Variants in DENND1B observed in about 807,000 individuals in gnomAD.
DENND1B encodes the protein DENN domain containing 1B.
Under a neutral mutation model 90.1 loss-of-function variants are expected in DENND1B, and 59 were observed. The ratio of observed to expected loss-of-function variants is 0.65; its 90% CI spans 0.53 to 0.81. The LOEUF (loss-of-function observed/expected upper bound fraction) is 0.81. Ranked by LOEUF, DENND1B falls within the 40% of genes least tolerant of loss-of-function variation. The pLI, the probability that DENND1B is intolerant of heterozygous loss-of-function variation, is 0.00. For missense variants in DENND1B, 862 were observed against 912.6 expected, an observed-to-expected ratio of 0.94 and a Z score of 0.71; for synonymous variants, 337 against 324.6, an observed-to-expected ratio of 1.04 and a Z score of -0.41.
rs116619218 is a variant in DENND1B at position 197,659,746 on chromosome 1, G to A, written c.297-1377C>T. On this transcript the variant is annotated intron_variant, in intron 5 of 22. Transcript: ENST00000620048. Reference sequence around the variant, plus strand: ...TTAGAAAGGAAAAGGACCAGCAGAAGTGCTCCCTAAAGAGTTCTGAAACAC... The same window carrying A: ...TTAGAAAGGAAAAGGACCAGCAGAAATGCTCCCTAAAGAGTTCTGAAACAC... Among the ~76,000 whole-genome samples, 1,070 of 151,956 alleles carry A rather than the reference G, an allele frequency of 7.0e-3. 22 individuals carry two copies. The highest frequency in any genetic ancestry group is 0.024 in the African/African-American group (1,004 of 41,494).
intron 15 of DENND1B, among the ~76,000 whole-genome samples, chr1:197,553,951 C>G (rs1571855203): frequency 6.6e-6 from 1 of 152,038 alleles, no homozygotes; most frequent in Admixed American, 6.6e-5. Flanking sequence ...TCCAGATACC[C>G]TGGAGACTAT....
chr1:197,756,550 T>C (rs1350553035), intron 2 of DENND1B, among the ~76,000 whole-genome samples: 1 of 115,142 alleles, frequency 8.7e-6, no homozygotes, highest in Non-Finnish European at 1.6e-5. Context: ...CACTCCAGAC[T>C]GGGCAACAGA....
At chr1:197,567,892 G>A (rs535652543) in intron 15 of DENND1B, among the ~76,000 whole-genome samples, 19 of 151,968 alleles carry the variant, frequency 1.3e-4, no homozygotes, top group African/African-American at 1.9e-4. Context: ...AACAAGACAA[G>A]AGTTCTCATT....
chr1:197,655,254 A>AAT (rs1653680852), intron 6 of DENND1B, among the ~76,000 whole-genome samples: 1 of 152,218 alleles, frequency 6.6e-6, no homozygotes, highest in Non-Finnish European at 1.5e-5. Flanking sequence ...CAATTATAAA[A>AAT]TGGAGAGCCA....
At chr1:197,626,948 G>GAC (rs1234303829) in intron 10 of DENND1B, among the ~76,000 whole-genome samples, 1 of 151,948 alleles carries the variant, frequency 6.6e-6, no homozygotes, top group Non-Finnish European at 1.5e-5. Flanking sequence ...TAAATTCCTC[G>GAC]ACACACACAC....
At chr1:197,619,904 G>T (rs984176429) in intron 10 of DENND1B, among the ~76,000 whole-genome samples, 1 of 151,126 alleles carries the variant, frequency 6.6e-6, no homozygotes, top group African/African-American at 2.4e-5. Flanking sequence ...GAAGAGAACC[G>T]AGTCTACAGG....
chr1:197,749,942 G>A (rs1017703755), intron 2 of DENND1B, among the ~76,000 whole-genome samples: 5 of 152,186 alleles, frequency 3.3e-5, no homozygotes, highest in Admixed American at 3.3e-4. Flanking sequence ...GGAGCTCCTG[G>A]GCTCAAGGAA....
chr1:197,749,076 T>A (rs1464087029), intron 2 of DENND1B, among the ~76,000 whole-genome samples: 4 of 152,030 alleles, frequency 2.6e-5, no homozygotes, highest in African/African-American at 7.2e-5. Flanking sequence ...AAGTACAGAA[T>A]AATTGAAACT....
intron 10 of DENND1B, among the ~76,000 whole-genome samples, chr1:197,620,708 T>C (rs1678079154): frequency 6.6e-6 from 1 of 151,364 alleles, no homozygotes; most frequent in Admixed American, 6.6e-5. Flanking sequence ...TTTTGCTTAA[T>C]TCAACAAAAA....
intron 10 of DENND1B, among the ~76,000 whole-genome samples, chr1:197,627,868 A>T (rs1678922153): frequency 1.3e-5 from 2 of 152,266 alleles, no homozygotes; most frequent in South Asian, 4.1e-4. Context: ...AATCACAAGC[A>T]TTCTTATACA....
chr1:197,664,841 G>C (rs1654782263), intron 5 of DENND1B, among the ~76,000 whole-genome samples: 1 of 152,030 alleles, frequency 6.6e-6, no homozygotes, highest in South Asian at 2.1e-4. Flanking sequence ...TTTAGGTTTG[G>C]AATGAGTTAA....
chr1:197,514,931 T>A (rs1412902803), intron 20 of DENND1B, among the ~76,000 whole-genome samples: 1 of 151,704 alleles, frequency 6.6e-6, no homozygotes, highest in Non-Finnish European at 1.5e-5. Flanking sequence ...AAATGGCATT[T>A]AAATTTCGAG....
chr1:197,692,219 T>C (rs1245984155), intron 3 of DENND1B, among the ~76,000 whole-genome samples: 1 of 151,876 alleles, frequency 6.6e-6, no homozygotes, highest in Non-Finnish European at 1.5e-5. Context: ...TACTAAACAA[T>C]TACCGTAGCC....
At chr1:197,756,572 T>C (rs933593819) in intron 2 of DENND1B, among the ~76,000 whole-genome samples, 8 of 64,812 alleles carry the variant, frequency 1.2e-4, no homozygotes, top group Admixed American at 1.1e-3. Flanking sequence ...CAAGTCTCCA[T>C]CTCAAAAAAA....
chr1:197,675,337 A>G (rs1336730386), intron 3 of DENND1B, among the ~76,000 whole-genome samples: 1 of 152,186 alleles, frequency 6.6e-6, no homozygotes, highest in Non-Finnish European at 1.5e-5. Context: ...GGTAGACTAC[A>G]ATAAAGTGTC....
intron 2 of DENND1B, among the ~76,000 whole-genome samples, chr1:197,742,280 A>G (rs1417852772): frequency 6.6e-6 from 1 of 152,156 alleles, no homozygotes; most frequent in African/African-American, 2.4e-5. Context: ...CATAACAATA[A>G]TATCAAGGGA....
At chr1:197,659,280 T>C (rs1257080324) in intron 5 of DENND1B, among the ~76,000 whole-genome samples, 1 of 151,684 alleles carries the variant, frequency 6.6e-6, no homozygotes, top group Non-Finnish European at 1.5e-5. Flanking sequence ...AAGTAGAACG[T>C]AAAAAAAGAA....
chr1:197,541,140 A>G, intron 18 of DENND1B, 125 bp from the exon 19 acceptor site: 1 of 855,266 alleles, frequency 1.2e-6, no homozygotes, highest in Non-Finnish European at 1.8e-6. Flanking sequence ...AGAACAGATT[A>G]TAATCTAACA....
At chr1:197,574,457 G>A (rs553654053) in intron 15 of DENND1B, among the ~76,000 whole-genome samples, 32 of 152,288 alleles carry the variant, frequency 2.1e-4, no homozygotes, top group African/African-American at 7.5e-4. Context: ...CAAACAAATG[G>A]AAGAACATTC....
Sources: gnomAD v4.1 joint callset for allele counts (sites outside exome capture counted in the v4.1 genomes callset) on GRCh38, gnomAD v4.1.1 for gene constraint, MANE v1.5 for transcripts, NCBI Gene and HGNC (gene_info 2026-07-23, HGNC 2026-07-21) for gene names.